CAMK2D: variants seen among roughly 807,000 people sequenced by gnomAD.
CAMK2D encodes the protein calcium/calmodulin-dependent protein kinase type II subunit delta.
In CAMK2D, 37 loss-of-function variants were observed where a neutral mutation model predicts 84.0. That is an observed-to-expected ratio of 0.44 (90% CI 0.34 to 0.58). The LOEUF (loss-of-function observed/expected upper bound fraction) is 0.58, where lower values mean the gene tolerates loss of function less well. CAMK2D is among the 20% of genes least tolerant of loss of function. CAMK2D has a pLI of 0.02. For synonymous variants in CAMK2D, 202 were observed against 212.5 expected, an observed-to-expected ratio of 0.95 and a Z score of 0.43; for missense variants, 448 against 652.5, an observed-to-expected ratio of 0.69 and a Z score of 3.41.
intron 3 of CAMK2D, among the ~76,000 whole-genome samples, chr4:113,623,933 C>T (rs1043330487): frequency 6.6e-6 from 1 of 152,174 alleles, no homozygotes; most frequent in Admixed American, 6.5e-5. Flanking sequence ...TATACATCAC[C>T]GAGCCAGGAT....
chr4:113,609,347 T>G, intron 3 of CAMK2D, 141 bp from the exon 4 acceptor site: 1 of 594,440 alleles, frequency 1.7e-6, no homozygotes. Context: ...GTCCGTATCT[T>G]TTACAACATA....
intron 3 of CAMK2D, among the ~76,000 whole-genome samples, chr4:113,619,990 C>A (rs536404284): frequency 6.6e-6 from 1 of 151,956 alleles, no homozygotes; most frequent in African/African-American, 2.4e-5. Flanking sequence ...AAGGAGAGAA[C>A]GTAGTAAGTC....
intron 2 of CAMK2D, among the ~76,000 whole-genome samples, chr4:113,721,792 C>A (rs1172369813): frequency 6.6e-6 from 1 of 152,172 alleles, no homozygotes; most frequent in Non-Finnish European, 1.5e-5. Context: ...AATCCTCTAT[C>A]TGGGGGCATT....
At position 113,513,926 on chromosome 4, in the gene CAMK2D, G is replaced by C. The variant is rs1038224463; in HGVS notation, c.820-13C>G. The C allele has an allele frequency of 4.4e-6, 6 of 1,364,320 alleles. No individual in the cohort carries two copies. Among genetic ancestry groups the C allele is most frequent in the Non-Finnish European group, 6.2e-6 (6 of 966,998 alleles). The allele number at this position is 1,364,320 out of a possible 1,614,324, so 84.5% of individuals were successfully genotyped here. Reference sequence around the variant, plus strand: ...CAGTAGAACGTTGCTAGAAGAAGAGGAGAAAAAGTAACTTAATTGAGAATA... The same window carrying C: ...CAGTAGAACGTTGCTAGAAGAAGAGCAGAAAAAGTAACTTAATTGAGAATA... On this transcript the variant is annotated splice_polypyrimidine_tract_variant and intron_variant, in intron 10 of 20. Transcript: ENST00000511664.
chr4:113,515,777 T>C (rs776587184), intron 9 of CAMK2D, among the ~76,000 whole-genome samples: 2 of 152,192 alleles, frequency 1.3e-5, no homozygotes, highest in Non-Finnish European at 2.9e-5. Context: ...TTCAGCAAGA[T>C]TTCATTTTAA....
chr4:113,615,575 T>C (rs2099017759), intron 3 of CAMK2D, among the ~76,000 whole-genome samples: 1 of 152,112 alleles, frequency 6.6e-6, no homozygotes, highest in Non-Finnish European at 1.5e-5. Context: ...AAGTATTTCC[T>C]ATAACACAAG....
intron 2 of CAMK2D, among the ~76,000 whole-genome samples, chr4:113,738,531 A>C (rs1190919643): frequency 1.3e-5 from 2 of 152,154 alleles, no homozygotes; most frequent in African/African-American, 4.8e-5. Context: ...AATGCAAAAA[A>C]ATATTTTTAA....
intron 6 of CAMK2D, 27 bp from the exon 7 acceptor site, chr4:113,537,470 ACTG>A (rs1210534807): frequency 5.9e-6 from 8 of 1,354,204 alleles, no homozygotes; most frequent in Non-Finnish European, 7.4e-6. Flanking sequence ...AAAAAAAGAG[ACTG>A]AAGTGAGAAC....
Position 113,761,102 on chromosome 4 carries a change from G to A in CAMK2D, c.-34C>T, listed in dbSNP as rs983131500. 6.2e-7 allele frequency: 1 copy of A among 1,613,368 alleles called. No individual in the cohort carries two copies. The highest frequency in any genetic ancestry group is 1.1e-5 in the South Asian group (1 of 91,076). ...CGGGCTGTGCCCTGGCTGGGAGCGCGACGGACCAGAAGCGAGCAGACGCGC... is the reference window on the plus strand; with the variant it reads ...CGGGCTGTGCCCTGGCTGGGAGCGCAACGGACCAGAAGCGAGCAGACGCGC... On this transcript the variant is annotated 5_prime_UTR_variant, in exon 1 of 21. Coordinates refer to ENST00000511664, the MANE Select transcript of CAMK2D (RefSeq NM_001321571.2).
At chr4:113,606,219 C>G (rs1481142311) in intron 4 of CAMK2D, among the ~76,000 whole-genome samples, 2 of 152,112 alleles carry the variant, frequency 1.3e-5, no homozygotes, top group Middle Eastern at 3.4e-3. Context: ...GCCTGTAATC[C>G]CAGCACTTAG....
At chr4:113,743,900 G>C (rs1179272649) in intron 2 of CAMK2D, among the ~76,000 whole-genome samples, 1 of 151,894 alleles carries the variant, frequency 6.6e-6, no homozygotes, top group African/African-American at 2.4e-5. Flanking sequence ...GAGTGCAGTG[G>C]TGCAATCCTG....
chr4:113,465,314 T>TG (rs765647482), intron 17 of CAMK2D, among the ~76,000 whole-genome samples: 1 of 152,224 alleles, frequency 6.6e-6, no homozygotes, highest in Non-Finnish European at 1.5e-5. Flanking sequence ...ATTACAGGTG[T>TG]GAGCCACTGT....
intron 17 of CAMK2D, among the ~76,000 whole-genome samples, chr4:113,462,338 G>GTCTGTCTATCTATCTATCTATCTA (rs1554637439): frequency 5.7e-4 from 74 of 130,474 alleles, no homozygotes; most frequent in Non-Finnish European, 9.3e-4. Context: ...CTGTCTGTCT[G>GTCTGTCTATCTATCTATCTATCTA]TCTATCTATC....
intron 2 of CAMK2D, among the ~76,000 whole-genome samples, chr4:113,691,035 C>T (rs2099385545): frequency 6.6e-6 from 1 of 152,130 alleles, no homozygotes; most frequent in Non-Finnish European, 1.5e-5. Context: ...TTAAGATTCA[C>T]AATTGTCTTG....
At chr4:113,573,522 C>T (rs941751395) in intron 4 of CAMK2D, among the ~76,000 whole-genome samples, 1 of 152,182 alleles carries the variant, frequency 6.6e-6, no homozygotes, top group Non-Finnish European at 1.5e-5. Context: ...GGTCTGTTGA[C>T]AGAATCTGCA....
intron 4 of CAMK2D, among the ~76,000 whole-genome samples, chr4:113,594,288 T>A (rs1480954791): frequency 6.6e-6 from 1 of 152,116 alleles, no homozygotes; most frequent in Non-Finnish European, 1.5e-5. Context: ...CCTCCAACAC[T>A]GGGGATTACA....
intron 16 of CAMK2D, among the ~76,000 whole-genome samples, chr4:113,482,073 T>C (rs2097707270): frequency 6.6e-6 from 1 of 152,212 alleles, no homozygotes; most frequent in African/African-American, 2.4e-5. Flanking sequence ...GATTCTGATG[T>C]CTTTGGCAGC....
chr4:113,666,548 TTAC>T (rs2154318667), intron 2 of CAMK2D, among the ~76,000 whole-genome samples: 1 of 152,126 alleles, frequency 6.6e-6, no homozygotes, highest in East Asian at 1.9e-4. Flanking sequence ...AATTGGTCAG[TTAC>T]TGCCCCTCCC....
At chr4:113,676,304 G>A (rs1407501907) in intron 2 of CAMK2D, among the ~76,000 whole-genome samples, 1 of 152,136 alleles carries the variant, frequency 6.6e-6, no homozygotes, top group African/African-American at 2.4e-5. Flanking sequence ...CACTCTCGCA[G>A]TCATTCCTTG....
Sources: allele counts gnomAD v4.1 joint callset (sites outside exome capture counted in the v4.1 genomes callset), GRCh38; gene constraint gnomAD v4.1.1; transcripts MANE v1.5; gene names NCBI Gene and HGNC (gene_info 2026-07-23, HGNC 2026-07-21).